The following CLEC12A variants were observed in gnomAD, a reference collection of about 807,000 sequenced individuals.
The protein encoded by CLEC12A is C-type lectin protein CLL-1.
CLEC12A carries 22 observed loss-of-function variants against 26.5 expected under a neutral mutation model. The observed-to-expected ratio is 0.83, with a 90% CI of 0.59 to 1.19. The LOEUF is 1.19. CLEC12A is among the 50% of genes most tolerant of loss of function. The probability of loss-of-function intolerance (pLI) is 0.00; values close to 1 mark genes in which losing one functional copy is unlikely to be tolerated. For synonymous variants in CLEC12A, 119 were observed against 101.9 expected, an observed-to-expected ratio of 1.17 and a Z score of -1.01; for missense variants, 353 against 315.6, an observed-to-expected ratio of 1.12 and a Z score of -0.90.
At chr12:9,955,428 A>C (rs1863728915) in intron 1 of CLEC12A, among the ~76,000 whole-genome samples, 1 of 152,202 alleles carries the variant, frequency 6.6e-6, no homozygotes, top group Non-Finnish European at 1.5e-5. Flanking sequence ...AATATATACA[A>C]GTTATAAAAA....
At chr12:9,954,205 T>TAAA (rs35173002) in intron 1 of CLEC12A, among the ~76,000 whole-genome samples, 907 of 64,400 alleles carry the variant, frequency 0.014, 48 homozygotes, top group African/African-American at 0.046. Flanking sequence ...GAATTATCAA[T>TAAA]AAAAAAAAAA....
intron 1 of CLEC12A, among the ~76,000 whole-genome samples, chr12:9,960,980 G>T (rs190990926): frequency 6.6e-4 from 101 of 152,274 alleles, no homozygotes; most frequent in African/African-American, 2.4e-3. Context: ...GACCATGCCC[G>T]TGACACAGCC....
At chr12:9,996,857 G>C (rs1389444399), downstream of CLEC12A, 2 of 1,613,828 alleles carry the variant, frequency 1.2e-6, no homozygotes, top group East Asian at 2.2e-5. Flanking sequence ...ACAATGTTCC[G>C]GTTGTCAATC....
At position 9,951,354 on chromosome 12, in the gene CLEC12A, T is replaced by C. The variant is rs1863605303; in HGVS notation, c.8T>C (p.Ile3Thr). The C allele has an allele frequency of 5.7e-6, 4 of 703,000 alleles. No individual in the cohort carries two copies. In the East Asian group the frequency reaches 1.1e-4, roughly 19 times the overall value. 43.5% of individuals were successfully genotyped at this position (703,000 alleles called of 1,614,324 possible). ...TTCAAATTTGACTTCTGCATGTGGA[T>C]AGGTGAGTGTCTTTTGTGGATACCG... is the stretch of plus-strand genomic sequence containing the variant. Residue 3 changes from isoleucine (I) to threonine (T), a missense_variant and splice_region_variant, in exon 1 of 7, where the codon ATA becomes ACA. Coordinates refer to the CLEC12A transcript ENST00000355690.
intron 4 of CLEC12A, 43 bp from the exon 5 acceptor site, chr12:9,981,977 G>T: frequency 1.0e-6 from 1 of 975,574 alleles, no homozygotes. Context: ...AAATACAAAA[G>T]TAGGAGACTG....
At chr12:9,978,244 CAAT>C (rs1269522594) in intron 1 of CLEC12A, among the ~76,000 whole-genome samples, 1 of 150,314 alleles carries the variant, frequency 6.7e-6, no homozygotes, top group African/African-American at 2.5e-5. Flanking sequence ...AACATAGTCA[CAAT>C]AATAATTCAC....
chr12:9,967,321 C>T (rs964112074), upstream of CLEC12A, among the ~76,000 whole-genome samples: 2 of 152,030 alleles, frequency 1.3e-5, no homozygotes, highest in Non-Finnish European at 2.9e-5. Context: ...CGTCAGGCAC[C>T]TCAGACCGTT....
intron 1 of CLEC12A, among the ~76,000 whole-genome samples, chr12:9,962,245 G>A (rs1007339988): frequency 3.4e-5 from 5 of 145,892 alleles, no homozygotes; most frequent in South Asian, 2.2e-4. Flanking sequence ...ATGTATAACC[G>A]GTTTTTTCTT....
intron 1 of CLEC12A, among the ~76,000 whole-genome samples, chr12:9,973,515 T>A (rs1042332654): frequency 1.3e-5 from 2 of 152,018 alleles, no homozygotes; most frequent in Non-Finnish European, 2.9e-5. Flanking sequence ...ACAACTCCAG[T>A]TCTGGTTAAA....
the CLEC12A span, among the ~76,000 whole-genome samples, chr12:10,005,919 T>TA: frequency 6.6e-6 from 1 of 152,246 alleles, no homozygotes; most frequent in Non-Finnish European, 1.5e-5. Context: ...CTCTGGGTAC[T>TA]TTCCCATTTA....
downstream of CLEC12A, among the ~76,000 whole-genome samples, chr12:9,988,413 C>T (rs572124447): frequency 1.3e-5 from 2 of 152,334 alleles, no homozygotes; most frequent in South Asian, 2.1e-4. Context: ...AAACTACCAT[C>T]AGAGTGTACA....
chr12:9,962,700 A>G (rs577346328), intron 1 of CLEC12A, among the ~76,000 whole-genome samples: 1 of 151,734 alleles, frequency 6.6e-6, no homozygotes, highest in South Asian at 2.1e-4. Context: ...GAATTTTATA[A>G]TGTCATCAGT....
downstream of CLEC12A, chr12:9,986,303 G>C (rs1266867009): frequency 4.5e-6 from 1 of 222,068 alleles, no homozygotes; most frequent in Non-Finnish European, 9.5e-6. Flanking sequence ...GTACTTGCTA[G>C]TGGATTACCA....
At chr12:9,989,554 G>A (rs550420525), downstream of CLEC12A, among the ~76,000 whole-genome samples, 1 of 152,296 alleles carries the variant, frequency 6.6e-6, no homozygotes, top group South Asian at 2.1e-4. Context: ...TGATGGGTGA[G>A]AGAGGTGAAG....
chr12:9,967,320 C>A (rs1251879532), upstream of CLEC12A, among the ~76,000 whole-genome samples: 5 of 151,938 alleles, frequency 3.3e-5, no homozygotes, highest in African/African-American at 1.2e-4. Flanking sequence ...ACGTCAGGCA[C>A]CTCAGACCGT....
At chr12:9,994,154 T>A (rs1864970056) in intron 4 of CLEC12A, among the ~76,000 whole-genome samples, 1 of 152,026 alleles carries the variant, frequency 6.6e-6, no homozygotes, top group Non-Finnish European at 1.5e-5. Flanking sequence ...GAGACTTGAG[T>A]CTCAGTGGAG....
chr12:9,998,061 T>C (rs574903223), downstream of CLEC12A, among the ~76,000 whole-genome samples: 1 of 152,298 alleles, frequency 6.6e-6, no homozygotes, highest in African/African-American at 2.4e-5. Context: ...AGTACATTCT[T>C]AAAAATAACT....
downstream of CLEC12A, chr12:9,986,197 T>A (rs1565565555): frequency 2.2e-6 from 1 of 449,048 alleles, no homozygotes; most frequent in East Asian, 7.1e-5. Flanking sequence ...ACATTTACAG[T>A]TTGATCATTA....
upstream of CLEC12A, among the ~76,000 whole-genome samples, chr12:9,969,374 A>G (rs1211334031): frequency 6.6e-6 from 1 of 152,202 alleles, no homozygotes; most frequent in African/African-American, 2.4e-5. Context: ...ACATACAACT[A>G]TTTTGTATCA....
Sources: allele counts gnomAD v4.1 joint callset (sites outside exome capture counted in the v4.1 genomes callset), GRCh38; gene constraint gnomAD v4.1.1; transcripts MANE v1.5; gene names NCBI Gene and HGNC (gene_info 2026-07-23, HGNC 2026-07-21).